The following SMYD4 variants were observed in gnomAD, a reference collection of about 807,000 sequenced individuals.
SMYD4 encodes the protein protein-lysine N-methyltransferase SMYD4.
SMYD4 carries 68 observed loss-of-function variants against 72.8 expected under a neutral mutation model. That is an observed-to-expected ratio of 0.93 (90% CI 0.77 to 1.14). SMYD4 has a LOEUF of 1.14. SMYD4 is among the 50% of genes most tolerant of loss of function. The pLI is 0.00. For missense variants in SMYD4, 984 were observed against 1,003.7 expected, an observed-to-expected ratio of 0.98 and a Z score of 0.27; for synonymous variants, 407 against 388.6, an observed-to-expected ratio of 1.05 and a Z score of -0.56.
Position 1,783,096 on chromosome 17 carries a change from C to G in SMYD4, c.2200G>C (p.Gly734Arg). 6.2e-7 allele frequency: 1 copy of G among 1,614,172 alleles called. No homozygotes were observed. Among genetic ancestry groups the G allele is most frequent in the South Asian group, 1.1e-5 (1 of 91,080 alleles). ...TGGCCCATTTCAACACTGGACGGCC[C>G]GTGGCGAACCTCCACCACGTAGAGA... ...RSLYVVEVRH[G>R]PSSVEMGHEL... The change falls in exon 10 of 11, where the codon GGG becomes CGG. Residue 734 changes from glycine to arginine, a missense_variant. Gly to Arg is a moderately radical substitution (Grantham distance 125, BLOSUM62 -2). Transcript: ENST00000305513.
At chr17:1,790,620 G>A (rs547679170) in intron 5 of SMYD4, among the ~76,000 whole-genome samples, 15 of 152,040 alleles carry the variant, frequency 9.9e-5, no homozygotes, top group East Asian at 9.8e-4. Flanking sequence ...GGGTTCAAGC[G>A]ATTCTCCTGC....
chr17:1,805,483 G>A (rs144131632), intron 3 of SMYD4, among the ~76,000 whole-genome samples: 121 of 152,112 alleles, frequency 8.0e-4, no homozygotes, highest in African/African-American at 2.7e-3. Context: ...TGGTACTCAA[G>A]TAAATGTAGG....
chr17:1,800,333 A>T lies in SMYD4; in HGVS notation c.1061T>A (p.Leu354Ter). 1 of 1,614,134 alleles carries T rather than the reference A, an allele frequency of 6.2e-7. No individual in the cohort carries two copies. The highest frequency in any genetic ancestry group is 1.1e-5 in the South Asian group (1 of 91,080). Reference protein sequence around the residue: ...LGVFCHIALRLTLLVGFEDVR... With the variant: ...LGVFCHIALR ...ATCCTCAAATCCCACCAAAAGAGTC[A>T]ACCTCAGGGCAATGTGGCAAAAGAC... The change falls in exon 5 of 11, where the codon TTG becomes TAG. Residue 354 changes from leucine (L) to a stop codon, truncating the protein, a stop_gained. Coordinates refer to ENST00000305513, the MANE Select transcript of SMYD4 (RefSeq NM_052928.3). LOFTEE classifies it high-confidence loss of function.
intron 7 of SMYD4, 126 bp from the exon 8 acceptor site, chr17:1,784,587 ATCGTGACGAAAG>A: frequency 1.3e-6 from 2 of 1,484,658 alleles, no homozygotes; most frequent in Non-Finnish European, 1.8e-6. Context: ...GTAACAATAC[ATCGTGACGAAAG>A]TCTGAGCGAA....
chr17:1,784,194 C>T, intron 8 of SMYD4, 132 bp downstream of exon 8: 2 of 1,419,442 alleles, frequency 1.4e-6, no homozygotes, highest in Admixed American at 4.1e-5. Flanking sequence ...GCCTATATAG[C>T]CATCTTGTGG....
At position 1,812,188 on chromosome 17, in the gene SMYD4, C is replaced by T. The variant is rs1597390557; in HGVS notation, c.135-73G>A. The T allele has an allele frequency of 3.9e-6, 6 of 1,543,118 alleles. No individual in the cohort carries two copies. The East Asian group carries it at 1.1e-4, about 29-fold the overall frequency. ...AAGGAAAGCTCTAAACCATTGCCCT[C>T]AAAACAAGAAAGTGGGCCCGCAAAA... On this transcript the variant is annotated intron_variant, in intron 2 of 10. Transcript: ENST00000305513.
chr17:1,803,405 T>C (rs1909872115), intron 4 of SMYD4, among the ~76,000 whole-genome samples: 2 of 152,236 alleles, frequency 1.3e-5, no homozygotes, highest in Non-Finnish European at 2.9e-5. Flanking sequence ...CCTGAAGTAT[T>C]AGCAGCAACA....
chr17:1,815,762 T>C (rs148493183), intron 2 of SMYD4, among the ~76,000 whole-genome samples: 1,703 of 151,068 alleles, frequency 0.011, 37 homozygotes, highest in African/African-American at 0.038. Context: ...TGCAATGGTG[T>C]GATCTCGGCT....
chr17:1,813,996 T>C (rs1362800824), intron 2 of SMYD4, among the ~76,000 whole-genome samples: 3 of 152,082 alleles, frequency 2.0e-5, no homozygotes, highest in Admixed American at 2.0e-4. Flanking sequence ...AAGTAACTCT[T>C]GAATCAAAGA....
At chr17:1,826,991 A>G (rs1027636305) in intron 2 of SMYD4, among the ~76,000 whole-genome samples, 6 of 151,990 alleles carry the variant, frequency 3.9e-5, no homozygotes, top group African/African-American at 1.4e-4. Flanking sequence ...TCTCTACTAA[A>G]AATACAAAAA....
At chr17:1,806,901 C>CT (rs923502605) in intron 3 of SMYD4, among the ~76,000 whole-genome samples, 3 of 151,484 alleles carry the variant, frequency 2.0e-5, no homozygotes, top group African/African-American at 7.3e-5. Flanking sequence ...GGGTTTTTTT[C>CT]TTTTTTTTAG....
intron 8 of SMYD4, 60 bp downstream of exon 8, chr17:1,784,266 C>G (rs9892714): frequency 6.2e-7 from 1 of 1,606,728 alleles, no homozygotes; most frequent in African/African-American, 1.3e-5. Flanking sequence ...GAGTCCAAAA[C>G]GGTATCAGAA....
chr17:1,800,555 C>A lies in SMYD4; in HGVS notation c.839G>T (p.Gly280Val). ...NPGELPPPHHGLDSKWDTRVT... is the reference protein window; with the variant it reads ...NPGELPPPHHVLDSKWDTRVT... ...TCTGGTGTCCCATTTGCTGTCTAGG[C>A]CGTGATGCGGTGGTGGCAGTTCTCC... The change falls in exon 5 of 11, where the codon GGC becomes GTC. Residue 280 changes from glycine to valine, a missense_variant. Gly to Val is a moderately radical substitution (Grantham distance 109). Transcript: ENST00000305513. The A allele has an allele frequency of 1.2e-6, 2 of 1,614,190 alleles. No individual in the cohort carries two copies. The highest frequency in any genetic ancestry group is 1.6e-4 in the Middle Eastern group (1 of 6,062).
chr17:1,801,624 T>C (rs1484414385), intron 4 of SMYD4, among the ~76,000 whole-genome samples: 14 of 110,272 alleles, frequency 1.3e-4, no homozygotes, highest in Admixed American at 3.7e-4. Context: ...AGGCAGGCTT[T>C]GAAAAAAAAA....
chr17:1,787,347 G>T (rs1567766271), intron 6 of SMYD4, 75 bp downstream of exon 6: 36 of 1,522,012 alleles, frequency 2.4e-5, no homozygotes, highest in Non-Finnish European at 3.2e-5. Context: ...TCACATGCCT[G>T]GTGGCTTGCT....
intron 2 of SMYD4, among the ~76,000 whole-genome samples, chr17:1,820,731 T>G (rs1447333615): frequency 6.6e-6 from 1 of 152,076 alleles, no homozygotes; most frequent in Non-Finnish European, 1.5e-5. Flanking sequence ...GAGGTAGGGG[T>G]GGACAGTGGG....
chr17:1,810,817 G>T (rs1477414633), intron 3 of SMYD4, among the ~76,000 whole-genome samples: 2 of 152,230 alleles, frequency 1.3e-5, no homozygotes, highest in African/African-American at 2.4e-5. Flanking sequence ...GACAGGCATC[G>T]GCATGCCATC....
intron 4 of SMYD4, among the ~76,000 whole-genome samples, chr17:1,803,214 G>C (rs1485114760): frequency 6.6e-6 from 1 of 152,180 alleles, no homozygotes; most frequent in Non-Finnish European, 1.5e-5. Flanking sequence ...GCAACAATTA[G>C]GGGATGAGAA....
chr17:1,800,581 T>G lies in SMYD4; in HGVS notation c.813A>C (p.Pro271=). ...QEDAFVSVLN[P]GELPPPHHGL... ...CGTGATGCGGTGGTGGCAGTTCTCCTGGGTTGAGAACACTCACAAAAGCAT... is the reference window on the plus strand; with the variant it reads ...CGTGATGCGGTGGTGGCAGTTCTCCGGGGTTGAGAACACTCACAAAAGCAT... Residue 271 remains proline, a synonymous_variant, in exon 5 of 11, where the codon CCA becomes CCC. Transcript: ENST00000305513. 1.2e-6 allele frequency: 2 copies of G among 1,614,140 alleles called. No individual in the cohort carries two copies. Among genetic ancestry groups the G allele is most frequent in the South Asian group, 1.1e-5 (1 of 91,084 alleles).
Sources: gnomAD v4.1 joint callset for allele counts (sites outside exome capture counted in the v4.1 genomes callset) on GRCh38, gnomAD v4.1.1 for gene constraint, MANE v1.5 for transcripts, NCBI Gene and HGNC (gene_info 2026-07-23, HGNC 2026-07-21) for gene names.